TMEM178A: variants seen among roughly 807,000 people sequenced by gnomAD.
TMEM178A encodes the protein transmembrane protein 178.
Under a neutral mutation model 29.1 loss-of-function variants are expected in TMEM178A, and 12 were observed. The ratio of observed to expected loss-of-function variants is 0.41; its 90% confidence interval spans 0.26 to 0.67. The LOEUF (loss-of-function observed/expected upper bound fraction) is 0.67. Among genes scored for constraint, TMEM178A ranks in the 30% least tolerant of loss-of-function variants. The probability of loss-of-function intolerance (pLI) is 0.29; values close to 1 mark genes in which losing one functional copy is unlikely to be tolerated. For synonymous variants in TMEM178A, 210 were observed against 187.2 expected, an observed-to-expected ratio of 1.12 and a Z score of -0.99; for missense variants, 366 against 419.1, an observed-to-expected ratio of 0.87 and a Z score of 1.11.
At chr2:39,689,450 GC>G (rs1490944451) in intron 1 of TMEM178A, among the ~76,000 whole-genome samples, 1 of 152,160 alleles carries the variant, frequency 6.6e-6, no homozygotes, top group Non-Finnish European at 1.5e-5. Context: ...AAAGCCATGT[GC>G]TAAATAAATG....
intron 1 of TMEM178A, among the ~76,000 whole-genome samples, chr2:39,673,734 G>C (rs950475422): frequency 6.6e-6 from 1 of 152,252 alleles, no homozygotes; most frequent in Admixed American, 6.5e-5. Context: ...TGTTACAGCA[G>C]AACTAGCAGG....
At chr2:39,725,780 T>C in the TMEM178A span, among the ~76,000 whole-genome samples, 1 of 152,234 alleles carries the variant, frequency 6.6e-6, no homozygotes, top group Non-Finnish European at 1.5e-5. Flanking sequence ...TTCTCAGGCC[T>C]AACATACGAT....
intron 1 of TMEM178A, among the ~76,000 whole-genome samples, chr2:39,669,118 A>G (rs1670299437): frequency 6.6e-6 from 1 of 152,172 alleles, no homozygotes. Context: ...ATGGTAGGAA[A>G]TGAAAAGTTT....
chr2:39,714,905 A>G (rs1393309707), intron 3 of TMEM178A, among the ~76,000 whole-genome samples: 2 of 152,210 alleles, frequency 1.3e-5, no homozygotes, highest in Non-Finnish European at 2.9e-5. Context: ...ATTCACTAGG[A>G]AGTTTTAATA....
intron 1 of TMEM178A, among the ~76,000 whole-genome samples, chr2:39,691,297 A>G (rs983516699): frequency 6.6e-6 from 1 of 152,226 alleles, no homozygotes; most frequent in African/African-American, 2.4e-5. Flanking sequence ...AGTCAAAGAC[A>G]AAGAGAATTT....
chr2:39,680,976 T>A (rs1257221375), intron 1 of TMEM178A, among the ~76,000 whole-genome samples: 2 of 152,222 alleles, frequency 1.3e-5, no homozygotes, highest in Non-Finnish European at 2.9e-5. Flanking sequence ...TGAATCTGGA[T>A]TATTCATTTC....
chr2:39,673,235 A>G (rs905186380), intron 1 of TMEM178A, among the ~76,000 whole-genome samples: 25 of 152,280 alleles, frequency 1.6e-4, no homozygotes, highest in African/African-American at 5.8e-4. Flanking sequence ...CTGCAGAGTC[A>G]CGGGAAACTA....
At chr2:39,721,909 T>A (rs1268220526), downstream of TMEM178A, among the ~76,000 whole-genome samples, 1 of 148,820 alleles carries the variant, frequency 6.7e-6, no homozygotes, top group Non-Finnish European at 1.5e-5. Flanking sequence ...GAGGATTGCT[T>A]GAGTCTAGAA....
At chr2:39,731,398 C>T in the TMEM178A span, among the ~76,000 whole-genome samples, 1 of 152,194 alleles carries the variant, frequency 6.6e-6, no homozygotes, top group African/African-American at 2.4e-5. Context: ...AGTGCCACAT[C>T]TGGTCAGTTT....
intron 1 of TMEM178A, among the ~76,000 whole-genome samples, chr2:39,697,203 T>C (rs1364693077): frequency 6.6e-6 from 1 of 152,244 alleles, no homozygotes; most frequent in African/African-American, 2.4e-5. Context: ...AATTTGTCTT[T>C]GGTTGCTTGA....
the TMEM178A span, among the ~76,000 whole-genome samples, chr2:39,731,930 C>T: frequency 6.6e-6 from 1 of 152,160 alleles, no homozygotes; most frequent in Non-Finnish European, 1.5e-5. Context: ...ATATTTAGAA[C>T]CTCCTACACA....
At chr2:39,690,860 C>A (rs1671285612) in intron 1 of TMEM178A, among the ~76,000 whole-genome samples, 1 of 152,130 alleles carries the variant, frequency 6.6e-6, no homozygotes, top group African/African-American at 2.4e-5. Context: ...CGATACTGAA[C>A]AAAATGATAA....
intron 1 of TMEM178A, among the ~76,000 whole-genome samples, chr2:39,671,729 G>A (rs1670415171): frequency 6.6e-6 from 1 of 152,124 alleles, no homozygotes; most frequent in Admixed American, 6.5e-5. Flanking sequence ...ATAACTAGAA[G>A]TTCAACCATT....
downstream of TMEM178A, among the ~76,000 whole-genome samples, chr2:39,720,482 C>T (rs1387785620): frequency 6.6e-6 from 1 of 152,214 alleles, no homozygotes; most frequent in Non-Finnish European, 1.5e-5. Flanking sequence ...CTCTGCCTGG[C>T]TTATTCTGAC....
chr2:39,671,317 A>G (rs561757538), intron 1 of TMEM178A, among the ~76,000 whole-genome samples: 8 of 152,362 alleles, frequency 5.3e-5, no homozygotes, highest in Non-Finnish European at 8.8e-5. Context: ...TACCTGACAC[A>G]GAAATAGATT....
At chr2:39,701,701 T>C (rs1671789648) in intron 1 of TMEM178A, among the ~76,000 whole-genome samples, 1 of 152,174 alleles carries the variant, frequency 6.6e-6, no homozygotes, top group Non-Finnish European at 1.5e-5. Context: ...CACAGGTCTC[T>C]GAGGCCCTGA....
Position 39,715,151 on chromosome 2 carries a change from G to A in TMEM178A, c.653-1859G>A, listed in dbSNP as rs141903471. Among the ~76,000 whole-genome samples, 46 of 152,280 alleles carry A rather than the reference G, an allele frequency of 3.0e-4. 1 individual carries two copies. Among genetic ancestry groups the A allele is most frequent in the South Asian group, 1.5e-3 (7 of 4,824 alleles). On this transcript the variant is annotated intron_variant, in intron 3 of 3. Transcript: ENST00000281961. Reference sequence around the variant, plus strand: ...ACATGAAAGGATGCTTAAAAGTCTAGGTTTGAACTCAAGCTTTCATAGGTC... The same window carrying A: ...ACATGAAAGGATGCTTAAAAGTCTAAGTTTGAACTCAAGCTTTCATAGGTC...
intron 1 of TMEM178A, among the ~76,000 whole-genome samples, chr2:39,682,382 T>G (rs76350584): frequency 7.8e-6 from 1 of 127,882 alleles, no homozygotes; most frequent in Non-Finnish European, 1.6e-5. Context: ...GTTTACTATG[T>G]TTTTTTTTTT....
At chr2:39,718,004 G>A (rs780766008), downstream of TMEM178A, 1 of 152,406 alleles carries the variant, frequency 6.6e-6, no homozygotes, top group Admixed American at 6.6e-5. Context: ...GTGTCAACAG[G>A]TCTCCCTAGC....
Sources: allele counts gnomAD v4.1 joint callset (sites outside exome capture counted in the v4.1 genomes callset), GRCh38; gene constraint gnomAD v4.1.1; transcripts MANE v1.5; gene names NCBI Gene and HGNC (gene_info 2026-07-23, HGNC 2026-07-21).